Variants in CPEB3 observed in about 807,000 individuals in gnomAD.
CPEB3 encodes cytoplasmic polyadenylation element binding protein 3, also known as cytoplasmic polyadenylation element-binding protein 3.
A neutral mutation model predicts 67.2 loss-of-function variants in CPEB3; 20 were observed. The ratio of observed to expected loss-of-function variants is 0.30; its 90% CI spans 0.21 to 0.43. The LOEUF (loss-of-function observed/expected upper bound fraction) is 0.43, where lower values mean the gene tolerates loss of function less well. CPEB3 is among the 20% of genes least tolerant of loss of function. CPEB3 has a pLI of 1.00. For missense variants in CPEB3, 746 were observed against 968.6 expected (o/e 0.77, Z 3.05); for synonymous variants, 376 against 393.1 (o/e 0.96, Z 0.51).
intron 9 of CPEB3, among the ~76,000 whole-genome samples, chr10:92,073,357 A>G (rs1842823533): frequency 6.6e-6 from 1 of 151,902 alleles, no homozygotes; most frequent in African/African-American, 2.4e-5. Context: ...GTCATTTACA[A>G]CAAAATGTTT....
At chr10:92,267,516 T>C (rs183820205) in intron 1 of CPEB3, among the ~76,000 whole-genome samples, 104 of 152,296 alleles carry the variant, frequency 6.8e-4, no homozygotes, top group Admixed American at 1.6e-3. Context: ...TTAAGTGTGA[T>C]GGGAATCCCC....
Position 92,052,121 on chromosome 10 carries a change from A to G in CPEB3, c.*91T>C, listed in dbSNP as rs1191078974. 1.3e-6 allele frequency: 1 copy of G among 770,300 alleles called. No homozygotes were observed. The highest frequency in any genetic ancestry group is 1.7e-5 in the African/African-American group (1 of 57,220). The allele number at this position is 770,300 out of a possible 1,614,324, so 47.7% of individuals were successfully genotyped here. A position where few individuals can be genotyped will look rare whatever the true frequency, so the allele number is the denominator to read the frequency against. On this transcript the variant is annotated 3_prime_UTR_variant, in exon 10 of 10. Coordinates refer to ENST00000265997, the MANE Select transcript of CPEB3 (RefSeq NM_014912.5). ...TTAAAAATCGAGAACGAATGCACAGATTTCCAGAACACTGTAAGCCCTGAG... is the reference window on the plus strand; with the variant it reads ...TTAAAAATCGAGAACGAATGCACAGGTTTCCAGAACACTGTAAGCCCTGAG...
chr10:92,205,430 CT>C (rs975524957), intron 2 of CPEB3, among the ~76,000 whole-genome samples: 3 of 129,818 alleles, frequency 2.3e-5, no homozygotes, highest in Admixed American at 7.6e-5. Flanking sequence ...ATTACAATAT[CT>C]TTTTTTACAG....
chr10:92,110,549 A>G (rs1844686070), intron 7 of CPEB3, among the ~76,000 whole-genome samples: 1 of 152,146 alleles, frequency 6.6e-6, no homozygotes, highest in Non-Finnish European at 1.5e-5. Context: ...ACTCTGTATT[A>G]TGGTTTTAGC....
At chr10:92,144,822 T>G in intron 5 of CPEB3, 123 bp downstream of exon 5, 1 of 771,602 alleles carries the variant, frequency 1.3e-6, no homozygotes, top group South Asian at 1.7e-5. Context: ...ATCCACCAAA[T>G]AGTCTCACCT....
intron 9 of CPEB3, among the ~76,000 whole-genome samples, chr10:92,071,576 C>CA (rs1254385884): frequency 5.3e-5 from 8 of 150,436 alleles, no homozygotes; most frequent in African/African-American, 1.7e-4. Context: ...CTAAGAACTA[C>CA]AAAAAAAAAT....
intron 6 of CPEB3, among the ~76,000 whole-genome samples, chr10:92,111,974 C>T (rs1564788901): frequency 6.6e-6 from 1 of 152,114 alleles, no homozygotes; most frequent in African/African-American, 2.4e-5. Context: ...TGGCAGAGTA[C>T]AGTAGGTCTA....
intron 4 of CPEB3, among the ~76,000 whole-genome samples, chr10:92,164,513 T>A (rs1376724666): frequency 6.6e-6 from 1 of 152,230 alleles, no homozygotes; most frequent in African/African-American, 2.4e-5. Flanking sequence ...CTTCTCGCCA[T>A]AGTTTTGTTT....
At chr10:92,289,938 T>G (rs10882047) in intron 1 of CPEB3, among the ~76,000 whole-genome samples, 35,381 of 73,750 alleles carry the variant, frequency 0.48, 7,185 homozygotes, top group African/African-American at 0.65. Context: ...TGGGGGGGGG[T>G]GGGTGCTGTT....
At chr10:92,231,105 A>C (rs1192055380) in intron 2 of CPEB3, among the ~76,000 whole-genome samples, 1 of 152,220 alleles carries the variant, frequency 6.6e-6, no homozygotes, top group African/African-American at 2.4e-5. Flanking sequence ...TACATTGGTG[A>C]GTCAGCCATA....
intron 2 of CPEB3, among the ~76,000 whole-genome samples, chr10:92,200,228 C>G (rs907263841): frequency 2.0e-5 from 3 of 152,048 alleles, no homozygotes; most frequent in African/African-American, 4.8e-5. Context: ...TCTCAAGAAC[C>G]CTCAAAATAG....
intron 2 of CPEB3, among the ~76,000 whole-genome samples, chr10:92,197,273 A>G (rs895560259): frequency 6.6e-6 from 1 of 152,234 alleles, no homozygotes; most frequent in African/African-American, 2.4e-5. Context: ...TATTTGATGC[A>G]TACCATTCAT....
intron 2 of CPEB3, among the ~76,000 whole-genome samples, chr10:92,210,599 T>C (rs148825488): frequency 2.5e-3 from 375 of 152,316 alleles, no homozygotes; most frequent in Non-Finnish European, 4.2e-3. Flanking sequence ...ACATAAACTA[T>C]TGAACAATCT....
chr10:92,203,460 A>ATGTATATGTGTATATATATGTG, intron 2 of CPEB3, among the ~76,000 whole-genome samples: 2 of 147,012 alleles, frequency 1.4e-5, no homozygotes, highest in South Asian at 2.1e-4. Context: ...ATACGTATAT[A>ATGTATATGTGTATATATATGTG]TGTATATGTG....
chr10:92,105,672 C>CTAGG (rs1373371783), intron 7 of CPEB3, among the ~76,000 whole-genome samples: 1 of 148,092 alleles, frequency 6.8e-6, no homozygotes, highest in Admixed American at 6.7e-5. Context: ...CTTTTATGTG[C>CTAGG]TAGGTTCTAT....
intron 6 of CPEB3, chr10:92,138,441 A>G (rs2133790455): frequency 6.4e-6 from 1 of 155,384 alleles, no homozygotes; most frequent in Admixed American, 6.5e-5. Context: ...CAGGAGGCGG[A>G]AGGAAAGAGA....
chr10:92,234,168 A>G (rs74644007), intron 2 of CPEB3, among the ~76,000 whole-genome samples: 1,909 of 152,104 alleles, frequency 0.013, 20 homozygotes, highest in Non-Finnish European at 0.021. Context: ...GTATGGAATA[A>G]TTTGATTTTT....
At chr10:92,196,833 G>T (rs1261264473) in intron 2 of CPEB3, among the ~76,000 whole-genome samples, 1 of 151,692 alleles carries the variant, frequency 6.6e-6, no homozygotes, top group Non-Finnish European at 1.5e-5. Context: ...TTCAGAGGCT[G>T]AGGCAGGAGA....
intron 2 of CPEB3, among the ~76,000 whole-genome samples, chr10:92,233,112 A>G (rs916120145): frequency 6.6e-6 from 1 of 152,234 alleles, no homozygotes; most frequent in Non-Finnish European, 1.5e-5. Context: ...GTGGTTTTGC[A>G]TTGAAATAGT....
Sources: gnomAD v4.1 joint callset for allele counts (sites outside exome capture counted in the v4.1 genomes callset) on GRCh38, gnomAD v4.1.1 for gene constraint, MANE v1.5 for transcripts, NCBI Gene and HGNC (gene_info 2026-07-23, HGNC 2026-07-21) for gene names.